The following WWTR1 variants were observed in gnomAD, a reference collection of about 807,000 sequenced individuals.
The protein encoded by WWTR1 is WW domain containing transcription regulator 1, also known as WW domain-containing transcription regulator protein 1.
In WWTR1, 13 loss-of-function variants were observed where a neutral mutation model predicts 40.1. That is an observed-to-expected ratio of 0.32 (90% CI 0.21 to 0.52). The LOEUF is 0.52. Among genes scored for constraint, WWTR1 ranks in the 20% least tolerant of loss-of-function variants. The pLI is 0.97. For missense variants in WWTR1, 436 were observed against 523.1 expected (o/e 0.83, Z 1.63); for synonymous variants, 230 against 210.1 (o/e 1.09, Z -0.82).
At chr3:149,652,178 A>G (rs1712918231) in intron 2 of WWTR1, among the ~76,000 whole-genome samples, 2 of 151,698 alleles carry the variant, frequency 1.3e-5, no homozygotes, top group Non-Finnish European at 2.9e-5. Context: ...ATATACGAAT[A>G]AGATGGTCAA....
At chr3:149,566,104 G>A (rs1241051360) in intron 3 of WWTR1, among the ~76,000 whole-genome samples, 3 of 152,094 alleles carry the variant, frequency 2.0e-5, no homozygotes, top group East Asian at 3.8e-4. Flanking sequence ...CAAGGTGGGA[G>A]GATCACTTGA....
chr3:149,625,668 G>A (rs1740513326), intron 2 of WWTR1, among the ~76,000 whole-genome samples: 1 of 151,712 alleles, frequency 6.6e-6, no homozygotes, highest in Admixed American at 6.6e-5. Flanking sequence ...GCACATGCCT[G>A]TAATCCCAGC....
At chr3:149,715,094 G>A (rs1325269936) in intron 5 of WWTR1, among the ~76,000 whole-genome samples, 1 of 152,118 alleles carries the variant, frequency 6.6e-6, no homozygotes, top group Admixed American at 6.5e-5. Context: ...GCTCCTCTTC[G>A]CCTTGCTCAC....
chr3:149,539,618 T>G (rs1317963161), intron 4 of WWTR1, among the ~76,000 whole-genome samples: 1 of 152,082 alleles, frequency 6.6e-6, no homozygotes, highest in Non-Finnish European at 1.5e-5. Context: ...CAAACAGAAG[T>G]GTACAGATAA....
At position 149,520,700 on chromosome 3, in the gene WWTR1, G is replaced by C. The variant is rs1364745981; in HGVS notation, c.*105C>G. 3 of 1,082,674 alleles carry C rather than the reference G, an allele frequency of 2.8e-6. No homozygotes were observed. Among genetic ancestry groups the C allele is most frequent in the Non-Finnish European group, 2.5e-6 (2 of 797,716 alleles). The allele number at this position is 1,082,674 out of a possible 1,614,324, so 67.1% of individuals were successfully genotyped here. A position where few individuals can be genotyped will look rare whatever the true frequency, so the allele number is the denominator to read the frequency against. On this transcript the variant is annotated 3_prime_UTR_variant, in exon 7 of 7. Coordinates refer to ENST00000360632, the MANE Select transcript of WWTR1 (RefSeq NM_015472.6). ...TAAAAAGGAGGGAGCACGAGTCATG[G>C]AGGCGGGAAGTGGTGCACCTGCAGA...
chr3:149,622,448 AG>A, intron 2 of WWTR1, among the ~76,000 whole-genome samples: 1 of 137,606 alleles, frequency 7.3e-6, no homozygotes, highest in Middle Eastern at 3.4e-3. Context: ...CCAGAAAGAA[AG>A]AAAGGAAGGA....
intron 4 of WWTR1, among the ~76,000 whole-genome samples, chr3:149,537,911 A>G (rs994618760): frequency 3.3e-5 from 5 of 152,072 alleles, no homozygotes; most frequent in African/African-American, 1.2e-4. Context: ...GTAACTCAGT[A>G]AATTATATTT....
chr3:149,683,551 G>A (rs1030134561), intron 1 of WWTR1, among the ~76,000 whole-genome samples: 2 of 152,084 alleles, frequency 1.3e-5, no homozygotes, highest in African/African-American at 4.8e-5. Flanking sequence ...AAAATTAGCT[G>A]GGCATGGTGG....
At chr3:149,539,304 A>G (rs564631038) in intron 4 of WWTR1, among the ~76,000 whole-genome samples, 1 of 152,352 alleles carries the variant, frequency 6.6e-6, no homozygotes, top group East Asian at 1.9e-4. Flanking sequence ...ATAAAACTAT[A>G]GACAGCGTGA....
Position 149,565,918 on chromosome 3 carries a change from A to G in WWTR1, c.568+6946T>C, listed in dbSNP as rs1418280318. Among the ~76,000 whole-genome samples the G allele has an allele frequency of 2.7e-5, 4 of 148,124 alleles. No individual in the cohort carries two copies. The East Asian group carries it at 8.2e-4, about 31-fold the overall frequency. ...ACTCCAGCCTGAGCAACAAGAGCGA[A>G]ACTCTGTCTCAAAAAAAAAAAAAAA... On this transcript the variant is annotated intron_variant, in intron 3 of 6. Coordinates refer to ENST00000360632, the MANE Select transcript of WWTR1 (RefSeq NM_015472.6).
chr3:149,697,121 C>T (rs1715019112), intron 1 of WWTR1, among the ~76,000 whole-genome samples: 2 of 152,220 alleles, frequency 1.3e-5, no homozygotes, highest in South Asian at 4.1e-4. Flanking sequence ...TAAAGGAATA[C>T]CTAAGGCTGG....
intron 2 of WWTR1, among the ~76,000 whole-genome samples, chr3:149,642,558 G>A (rs1375252658): frequency 2.6e-5 from 4 of 151,792 alleles, no homozygotes; most frequent in Admixed American, 6.6e-5. Context: ...GGTGGATCAC[G>A]AGGTCAGGAG....
At chr3:149,683,338 A>C (rs1394335002) in intron 1 of WWTR1, among the ~76,000 whole-genome samples, 1 of 152,214 alleles carries the variant, frequency 6.6e-6, no homozygotes, top group Non-Finnish European at 1.5e-5. Context: ...TTACACTTAA[A>C]GGCCTTTCTA....
intron 1 of WWTR1, among the ~76,000 whole-genome samples, chr3:149,671,642 A>T (rs949917287): frequency 4.6e-5 from 7 of 152,216 alleles, no homozygotes; most frequent in African/African-American, 1.4e-4. Flanking sequence ...TATCCAATTG[A>T]ATCTAAATCC....
chr3:149,525,868 T>G, intron 6 of WWTR1, 145 bp downstream of exon 6: 2 of 471,478 alleles, frequency 4.2e-6, no homozygotes, highest in Non-Finnish European at 7.1e-6. Flanking sequence ...CATAACCATG[T>G]AGCAAACCTG....
chr3:149,590,862 A>G (rs1738679917), intron 2 of WWTR1, among the ~76,000 whole-genome samples: 1 of 152,188 alleles, frequency 6.6e-6, no homozygotes, highest in Non-Finnish European at 1.5e-5. Flanking sequence ...AGCACTGCTG[A>G]TAGCCTGACT....
chr3:149,572,185 A>G lies in WWTR1; in HGVS notation c.568+679T>C, dbSNP rs146153574. ...AGACTTTCGGAAAGTTTCTTCATGT[A>G]TAAACTGGAGAGCCTGCTACTTTTT... On this transcript the variant is annotated intron_variant, in intron 3 of 6. Transcript: ENST00000360632. Among the ~76,000 whole-genome samples the G allele has an allele frequency of 2.4e-3, 373 of 152,292 alleles. 1 individual carries two copies. The highest frequency in any genetic ancestry group is 8.4e-3 in the African/African-American group (349 of 41,562).
intron 1 of WWTR1, among the ~76,000 whole-genome samples, chr3:149,689,811 C>G (rs1714761307): frequency 6.6e-6 from 1 of 152,012 alleles, no homozygotes; most frequent in Non-Finnish European, 1.5e-5. Flanking sequence ...CAGACAAATA[C>G]AGAATACTAT....
chr3:149,704,480 G>A (rs373658079), upstream of WWTR1, among the ~76,000 whole-genome samples: 3 of 152,134 alleles, frequency 2.0e-5, no homozygotes, highest in Admixed American at 6.5e-5. Flanking sequence ...CACTAGGCAC[G>A]ATAAAGACTG....
Sources: allele counts gnomAD v4.1 joint callset (sites outside exome capture counted in the v4.1 genomes callset), GRCh38; gene constraint gnomAD v4.1.1; transcripts MANE v1.5; gene names NCBI Gene and HGNC (gene_info 2026-07-23, HGNC 2026-07-21).